Variants in BPIFC observed in about 807,000 individuals in gnomAD.
BPIFC encodes the protein BPI fold containing family C.
Under a neutral mutation model 57.6 loss-of-function variants are expected in BPIFC, and 60 were observed. The observed-to-expected ratio is 1.04, with a 90% CI of 0.85 to 1.29. BPIFC has a LOEUF of 1.29. BPIFC is among the 50% of genes most tolerant of loss of function. The pLI, the probability that BPIFC is intolerant of heterozygous loss-of-function variation, is 0.00. For missense variants in BPIFC, 581 were observed against 600.5 expected, an observed-to-expected ratio of 0.97 and a Z score of 0.34; for synonymous variants, 243 against 224.5, an observed-to-expected ratio of 1.08 and a Z score of -0.74.
intron 5 of BPIFC, chr22:32,446,823 G>A: frequency 1.0e-6 from 1 of 984,920 alleles, no homozygotes. Flanking sequence ...ACCTCTGTGT[G>A]AGGGAGAAAG....
At chr22:32,458,944 C>T (rs951726980) in intron 2 of BPIFC, among the ~76,000 whole-genome samples, 9 of 152,182 alleles carry the variant, frequency 5.9e-5, no homozygotes, top group Non-Finnish European at 1.3e-4. Flanking sequence ...GAATGATTAA[C>T]GTATGCTTGT....
chr22:32,414,533 A>AC, intron 16 of BPIFC, 108 bp from the exon 17 acceptor site: 1 of 1,366,848 alleles, frequency 7.3e-7, no homozygotes, highest in Non-Finnish European at 9.8e-7. Flanking sequence ...TAATTTTGAG[A>AC]TGGAGTCTCA....
At chr22:32,429,193 C>A (rs1934157895) in intron 13 of BPIFC, among the ~76,000 whole-genome samples, 1 of 149,814 alleles carries the variant, frequency 6.7e-6, no homozygotes, top group South Asian at 2.1e-4. Context: ...TTCCATGTTT[C>A]TTTTCTTTTT....
At chr22:32,431,806 A>G (rs548579407) in intron 12 of BPIFC, among the ~76,000 whole-genome samples, 6 of 152,272 alleles carry the variant, frequency 3.9e-5, no homozygotes, top group African/African-American at 1.2e-4. Flanking sequence ...AAAAAAAGAG[A>G]GAATTCCAGC....
At chr22:32,439,867 A>G (rs558346015) in intron 8 of BPIFC, among the ~76,000 whole-genome samples, 3 of 152,208 alleles carry the variant, frequency 2.0e-5, no homozygotes, top group East Asian at 3.9e-4. Flanking sequence ...TGCTCGCCTC[A>G]GCTTCCCAAA....
At chr22:32,415,012 GA>G (rs1200723278) in intron 16 of BPIFC, among the ~76,000 whole-genome samples, 1 of 152,224 alleles carries the variant, frequency 6.6e-6, no homozygotes, top group Non-Finnish European at 1.5e-5. Context: ...TGGCATTAGC[GA>G]CTGGTTTCAT....
At position 32,457,253 on chromosome 22, in the gene BPIFC, T is replaced by G. The variant is rs752764933; in HGVS notation, c.124+10A>C. ...GCCTGAGGTCTGGCTTCTGAAAACA[T>G]CCAACTCACCATAGTCAAGTGCCCT... On this transcript the variant is annotated intron_variant, in intron 3 of 16. Transcript: ENST00000300399. 1 of 1,589,870 alleles carries G rather than the reference T, an allele frequency of 6.3e-7. No individual in the cohort carries two copies. Among genetic ancestry groups the G allele is most frequent in the Non-Finnish European group, 8.5e-7 (1 of 1,174,116 alleles).
At chr22:32,433,570 A>G (rs1349635672) in intron 11 of BPIFC, 149 bp downstream of exon 11, 7 of 670,066 alleles carry the variant, frequency 1.0e-5, no homozygotes, top group African/African-American at 7.3e-5. Context: ...TGTTCAGTAA[A>G]TATTTGTAGA....
chr22:32,459,837 C>T (rs563551391), intron 2 of BPIFC, among the ~76,000 whole-genome samples: 2 of 150,050 alleles, frequency 1.3e-5, no homozygotes, highest in East Asian at 1.9e-4. Flanking sequence ...GGCAACGGAG[C>T]AAGATCCTGT....
Position 32,451,698 on chromosome 22 carries a change from A to AAT in BPIFC, c.245+1683_245+1684dup, listed in dbSNP as rs575295941. Among the ~76,000 whole-genome samples, 457 of 152,000 alleles carry AAT rather than the reference A, an allele frequency of 3.0e-3. 3 individuals are homozygous for AAT. The highest frequency in any genetic ancestry group is 0.01 in the African/African-American group (421 of 41,476). On this transcript the variant is annotated intron_variant, in intron 4 of 16. Coordinates refer to ENST00000300399, the MANE Select transcript of BPIFC (RefSeq NM_174932.3). ...GTACCCTAGAACTTAAAGTATAATA[A>AAT]ATATATATATAAATAAATTTTTAAA...
chr22:32,460,284 C>G (rs1029054902), intron 2 of BPIFC, among the ~76,000 whole-genome samples: 1 of 152,164 alleles, frequency 6.6e-6, no homozygotes, highest in Non-Finnish European at 1.5e-5. Flanking sequence ...AGGAAAACCC[C>G]ACACCAGTGT....
In BPIFC at chr22:32,431,372, G is replaced by C. The variant is rs766760697; in HGVS notation, c.1192C>G (p.Leu398Val). 1 of 1,604,424 alleles carries C rather than the reference G, an allele frequency of 6.2e-7. No homozygotes were observed. The change falls in exon 13 of 17, where the codon CTG (leucine) becomes GTG (valine). Residue 398 changes from leucine (L) to valine (V), a missense_variant. Coordinates refer to ENST00000300399, the MANE Select transcript of BPIFC (RefSeq NM_174932.3). ...CTGTTCAGAGACAAGGAGCAGACCA[G>C]TCTTTGTCCCAAAATAACCAGGCCA... ...SVGLVILGQR[L>V]VCSLSLNRFR...
At chr22:32,434,129 T>G (rs1380118019) in intron 10 of BPIFC, among the ~76,000 whole-genome samples, 1 of 149,616 alleles carries the variant, frequency 6.7e-6, no homozygotes, top group Non-Finnish European at 1.5e-5. Flanking sequence ...TTTTATATAT[T>G]ACAACCTATC....
At chr22:32,429,514 T>TTTTTG (rs1934173297) in intron 13 of BPIFC, among the ~76,000 whole-genome samples, 1 of 118,820 alleles carries the variant, frequency 8.4e-6, no homozygotes, top group Non-Finnish European at 1.9e-5. Flanking sequence ...CCTTTGTTTT[T>TTTTTG]TTTTTTTTTT....
chr22:32,461,202 G>A (rs747898627), intron 2 of BPIFC, among the ~76,000 whole-genome samples: 6 of 152,142 alleles, frequency 3.9e-5, no homozygotes, highest in Non-Finnish European at 8.8e-5. Flanking sequence ...AGCTATTAAG[G>A]CATTTTGGTA....
chr22:32,431,529 C>T (rs890887677), intron 12 of BPIFC, 115 bp from the exon 13 acceptor site: 7 of 690,848 alleles, frequency 1.0e-5, no homozygotes, highest in South Asian at 7.6e-5. Flanking sequence ...AGTGTAAAGA[C>T]ATTGGAAGTC....
rs188615318 is a variant in BPIFC at position 32,464,176 on chromosome 22, T to C, written c.-89+198A>G. On this transcript the variant is annotated intron_variant, in intron 1 of 16. Transcript: ENST00000300399. Reference sequence around the variant, plus strand: ...GGCTGTTTAGCTGTCACTAAAGCTTTTGCCTAAGAAGCCTCCAGGTGCGCA... The same window carrying C: ...GGCTGTTTAGCTGTCACTAAAGCTTCTGCCTAAGAAGCCTCCAGGTGCGCA... Among the ~76,000 whole-genome samples the C allele has an allele frequency of 1.3e-3, 191 of 152,294 alleles. 1 individual carries two copies. The highest frequency in any genetic ancestry group is 3.5e-3 in the African/African-American group (146 of 41,556).
At chr22:32,454,742 C>T (rs1417643223) in intron 3 of BPIFC, among the ~76,000 whole-genome samples, 1 of 152,078 alleles carries the variant, frequency 6.6e-6, no homozygotes, top group Non-Finnish European at 1.5e-5. Context: ...GATGCAAAGA[C>T]AGATATAAAG....
At chr22:32,435,681 C>A in intron 10 of BPIFC, 23 bp downstream of exon 10, 2 of 1,600,962 alleles carry the variant, frequency 1.2e-6, no homozygotes, top group Non-Finnish European at 1.7e-6. Context: ...TGACCATTGA[C>A]ATCCTCAGTT....
Sources: gnomAD v4.1 joint callset for allele counts (sites outside exome capture counted in the v4.1 genomes callset) on GRCh38, gnomAD v4.1.1 for gene constraint, MANE v1.5 for transcripts, NCBI Gene and HGNC (gene_info 2026-07-23, HGNC 2026-07-21) for gene names.